FSCN3: variants seen among roughly 807,000 people sequenced by gnomAD.
FSCN3 encodes fascin actin-bundling protein 3.
In FSCN3, 43 loss-of-function variants were observed where a neutral mutation model predicts 53.5. That is an observed-to-expected ratio of 0.80 (90% CI 0.63 to 1.04). The LOEUF is 1.04. FSCN3 is among the 50% of genes least tolerant of loss of function. The pLI, the probability that FSCN3 is intolerant of heterozygous loss-of-function variation, is 0.00. For missense variants in FSCN3, 594 were observed against 646.5 expected, an observed-to-expected ratio of 0.92 and a Z score of 0.88; for synonymous variants, 235 against 246.6, an observed-to-expected ratio of 0.95 and a Z score of 0.44.
Position 127,593,934 on chromosome 7 carries a change from C to T in FSCN3, c.81C>T (p.Tyr27=), listed in dbSNP as rs745921063. ...GGCTCATCAGCTGGGCAGGAACCTACCTCACCTTTGAGGCATGCAAGAATA... is the reference window on the plus strand; with the variant it reads ...GGCTCATCAGCTGGGCAGGAACCTATCTCACCTTTGAGGCATGCAAGAATA... The part of the protein sequence containing the change: ...RVGLISWAGT[Y]LTFEACKNTV... The change falls in exon 1 of 7, where the codon TAC becomes TAT. Residue 27 remains tyrosine (Y), a synonymous_variant. Transcript: ENST00000265825. 6.2e-6 allele frequency: 10 copies of T among 1,609,960 alleles called. No homozygotes were observed. Among genetic ancestry groups the T allele is most frequent in the Non-Finnish European group, 8.5e-6 (10 of 1,178,196 alleles).
rs1217799072 is a variant in FSCN3 at position 127,595,612 on chromosome 7, C to A, written c.450C>A (p.Ser150Arg). ...TCCATGTCCACGTGATCCTCTACAG[C>A]CCCATCCACCGCTGCTATGCCCGGG... ...PALHVHVILYSPIHRCYARAD... is the reference protein window; with the variant it reads ...PALHVHVILYRPIHRCYARAD... The change falls in exon 2 of 7, where the codon AGC becomes AGA. Residue 150 changes from serine (S) to arginine (R), a missense_variant. Coordinates refer to ENST00000265825, the MANE Select transcript of FSCN3 (RefSeq NM_020369.3). 6.2e-7 allele frequency: 1 copy of A among 1,614,058 alleles called. No homozygotes were observed. Among genetic ancestry groups the A allele is most frequent in the Non-Finnish European group, 8.5e-7 (1 of 1,179,930 alleles).
rs147838592 is a variant in FSCN3, at chr7:127,599,397, T to G, written c.1137T>G (p.Phe379Leu). 101 of 1,613,566 alleles carry G rather than the reference T, an allele frequency of 6.3e-5. No homozygotes were observed. Among genetic ancestry groups the G allele is most frequent in the Non-Finnish European group, 8.1e-5 (95 of 1,179,688 alleles). The change falls in exon 5 of 7, where the codon TTT becomes TTG. Residue 379 changes from phenylalanine to leucine, a missense_variant. By Grantham distance (22) the Phe-to-Leu change is conservative. Transcript: ENST00000265825. ...NVILPGPNEE[F>L]GILFANRSFL... is the part of the protein sequence containing the mutation. ...TTCCTTCAGGCCCAAATGAGGAATTTGGGATTTTATTTGCCAATCGCTCCT... is the reference window on the plus strand; with the variant it reads ...TTCCTTCAGGCCCAAATGAGGAATTGGGGATTTTATTTGCCAATCGCTCCT...
At chr7:127,595,170 C>A in intron 1 of FSCN3, 137 bp from the exon 2 acceptor site, 1 of 686,244 alleles carries the variant, frequency 1.5e-6, no homozygotes, top group Non-Finnish European at 2.5e-6. Flanking sequence ...CAAGGAGATA[C>A]CAGGGCTGAT....
At position 127,593,991 on chromosome 7, in the gene FSCN3, G is replaced by A; in HGVS notation, c.138G>A (p.Arg46=). The A allele has an allele frequency of 6.2e-7, 1 of 1,612,864 alleles. No individual in the cohort carries two copies. The highest frequency in any genetic ancestry group is 1.3e-5 in the African/African-American group (1 of 75,046). The stretch of plus-strand genomic sequence containing the variant: ...CTGCAACTGCGAAGAGTTTGGGCAG[G>A]AGACAGGTGACAAAGCAAACCCATG... ...TVTATAKSLG[R]RQTWEILVSN... Residue 46 remains arginine, a synonymous_variant, in exon 1 of 7, where the codon AGG becomes AGA. Coordinates refer to ENST00000265825, the MANE Select transcript of FSCN3 (RefSeq NM_020369.3).
chr7:127,595,021 G>C lies in FSCN3; in HGVS notation c.145-286G>C. 2.0e-5 allele frequency: 11 copies of C among 549,878 alleles called. No homozygotes were observed. In the South Asian group the frequency reaches 2.2e-4, roughly 11 times the overall value. 34.1% of individuals were successfully genotyped at this position (549,878 alleles called of 1,614,324 possible). On this transcript the variant is annotated intron_variant, in intron 1 of 6. Coordinates refer to ENST00000265825, the MANE Select transcript of FSCN3 (RefSeq NM_020369.3). ...GTATTGAAGAGTGGGATTAAGAAAG[G>C]AGGGAGGGTTTACCTTCTGTTAGCT... is the stretch of plus-strand genomic sequence containing the variant.
At chr7:127,597,480 AT>A (rs11415174) in intron 3 of FSCN3, among the ~76,000 whole-genome samples, 34,373 of 142,498 alleles carry the variant, frequency 0.24, 4,396 homozygotes, top group East Asian at 0.64. Context: ...AAGGTTTAGA[AT>A]TTTTTTTTTT....
rs1794449195 is a variant in FSCN3, at chr7:127,600,006, G to A, written c.1292-188G>A. Among the ~76,000 whole-genome samples the A allele has an allele frequency of 2.6e-5, 4 of 152,080 alleles. 1 individual carries two copies. The highest frequency in any genetic ancestry group is 1.3e-4 in the Admixed American group (2 of 15,270). ...TTTTCACACTTCAAAGCCCCAGGGT[G>A]GGTTGGCAGAACAGAAAACAGTGGA... On this transcript the variant is annotated intron_variant, in intron 5 of 6. Transcript: ENST00000265825.
rs568377533 is a variant in FSCN3 at position 127,594,924 on chromosome 7, G to C, written c.145-383G>C. Reference sequence around the variant, plus strand: ...CTTTGGGGATGGAGGTATTGGCTAAGTGTGCTCTCTGCGGACAACAGTGAG... The same window carrying C: ...CTTTGGGGATGGAGGTATTGGCTAACTGTGCTCTCTGCGGACAACAGTGAG... On this transcript the variant is annotated intron_variant, in intron 1 of 6. Transcript: ENST00000265825. 7 of 476,846 alleles carry C rather than the reference G, an allele frequency of 1.5e-5. No individual in the cohort carries two copies. In the East Asian group the frequency reaches 4.7e-4, roughly 32 times the overall value. 29.5% of individuals were successfully genotyped at this position (476,846 alleles called of 1,614,324 possible).
intron 1 of FSCN3, chr7:127,594,685 T>G: frequency 2.1e-6 from 1 of 471,186 alleles, no homozygotes; most frequent in Non-Finnish European, 4.4e-6. Flanking sequence ...CCAGAAGCCC[T>G]AGCAGTGTCG....
At position 127,594,279 on chromosome 7, in the gene FSCN3, T is replaced by TGTGC. The variant is rs1554402190; in HGVS notation, c.144+283_144+284insTGCG. ...GTGTGTGTGTGTGTGTGTGTGTGTG[T>TGTGC]GCGCACTTGCCTGTATATGAAAGCA... On this transcript the variant is annotated intron_variant, in intron 1 of 6. Coordinates refer to ENST00000265825, the MANE Select transcript of FSCN3 (RefSeq NM_020369.3). Among the ~76,000 whole-genome samples, 65 of 66,542 alleles carry TGTGC rather than the reference T, an allele frequency of 9.8e-4. 2 individuals carry two copies. The highest frequency in any genetic ancestry group is 1.5e-3 in the Admixed American group (10 of 6,668). 43.7% of individuals were successfully genotyped at this position (66,542 alleles called of 152,430 possible).
chr7:127,600,764 G>GA (rs1374877945), intron 6 of FSCN3, among the ~76,000 whole-genome samples: 2 of 151,852 alleles, frequency 1.3e-5, no homozygotes, highest in African/African-American at 4.8e-5. Context: ...GTGTGTAGGT[G>GA]AAAAAAAAGA....
chr7:127,600,452 A>G, intron 6 of FSCN3, 53 bp downstream of exon 6: 1 of 1,066,458 alleles, frequency 9.4e-7, no homozygotes, highest in East Asian at 2.4e-5. Flanking sequence ...ATGGGGCAAG[A>G]GGAGAAGGGA....
chr7:127,599,617 C>T, intron 5 of FSCN3, 66 bp downstream of exon 5: 1 of 1,459,110 alleles, frequency 6.9e-7, no homozygotes, highest in Non-Finnish European at 9.5e-7. Flanking sequence ...CCAGCTCAGA[C>T]TTCAGGGCCT....
Position 127,595,488 on chromosome 7 carries a change from G to A in FSCN3, c.326G>A (p.Cys109Tyr), listed in dbSNP as rs1309273529. 1 of 1,614,174 alleles carries A rather than the reference G, an allele frequency of 6.2e-7. No homozygotes were observed. Among genetic ancestry groups the A allele is most frequent in the Admixed American group, 1.7e-5 (1 of 60,018 alleles). ...CGGAACAGCAAGTGGACCCTCCAGT[G>A]CCTAATCTCTGGTCGTTATTTGGAG... ...FHRNSKWTLQ[C>Y]LISGRYLESN... Residue 109 changes from cysteine to tyrosine, a missense_variant, in exon 2 of 7, where the codon TGC becomes TAC. Transcript: ENST00000265825.
chr7:127,594,193 T>TGA lies in FSCN3; in HGVS notation c.144+197_144+198insAG, dbSNP rs770863727. On this transcript the variant is annotated intron_variant, in intron 1 of 6. Transcript: ENST00000265825. Reference sequence around the variant, plus strand: ...GTGTGTGTGTGTGTGTGTGTGTGTGTGTGTACTTGCCTGTATATGAAAGTA... The same window carrying TGA: ...GTGTGTGTGTGTGTGTGTGTGTGTGTGAGTGTACTTGCCTGTATATGAAAGTA... Among the ~76,000 whole-genome samples, 155 of 147,984 alleles carry TGA rather than the reference T, an allele frequency of 1.0e-3. 2 individuals carry two copies. Among genetic ancestry groups the TGA allele is most frequent in the Admixed American group, 2.0e-3 (30 of 14,920 alleles).
At position 127,595,752 on chromosome 7, in the gene FSCN3, A is replaced by G; in HGVS notation, c.590A>G (p.His197Arg). 1 of 1,613,850 alleles carries G rather than the reference A, an allele frequency of 6.2e-7. No individual in the cohort carries two copies. The highest frequency in any genetic ancestry group is 1.3e-5 in the African/African-American group (1 of 75,030). Residue 197 changes from histidine (H) to arginine (R), a missense_variant, in exon 2 of 7, where the codon CAC (histidine) becomes CGC (arginine). By Grantham distance (29) the His-to-Arg change is conservative. Transcript: ENST00000265825. ...GCYHLETSTH[H>R]FLSHVDRLFS... ...TACCACCTGGAGACCTCTACACACC[A>G]CTTCTTGTCCCATGTAGACCGGCTG...
rs752540528 is a variant in FSCN3, at chr7:127,594,011, C to T, written c.144+14C>T. ...GGCAGGAGACAGGTGACAAAGCAAA[C>T]CCATGCTGGCACCAGTTTTCTGAGT... is the stretch of plus-strand genomic sequence containing the variant. On this transcript the variant is annotated intron_variant, in intron 1 of 6. Transcript: ENST00000265825. The T allele has an allele frequency of 6.2e-7, 1 of 1,612,124 alleles. No individual in the cohort carries two copies. The highest frequency in any genetic ancestry group is 1.7e-5 in the Admixed American group (1 of 59,738).
chr7:127,599,005 G>A (rs1240686958), intron 4 of FSCN3, among the ~76,000 whole-genome samples: 1 of 151,804 alleles, frequency 6.6e-6, no homozygotes, highest in Admixed American at 6.6e-5. Context: ...GAAGATTTGG[G>A]TCTGTACTTG....
Position 127,596,598 on chromosome 7 carries a change from T to G in FSCN3, c.960+152T>G, listed in dbSNP as rs189490740. The stretch of plus-strand genomic sequence containing the variant: ...ACATTCATTTTCACCCAATGGGGGC[T>G]CCTTTAAAAAAAAAAAACAAAAATC... On this transcript the variant is annotated intron_variant, in intron 3 of 6. Coordinates refer to ENST00000265825, the MANE Select transcript of FSCN3 (RefSeq NM_020369.3). 1.4e-4 allele frequency: 61 copies of G among 440,376 alleles called. 1 individual carries two copies. Among genetic ancestry groups the G allele is most frequent in the Non-Finnish European group, 1.9e-4 (47 of 246,784 alleles). 27.3% of individuals were successfully genotyped at this position (440,376 alleles called of 1,614,324 possible). A position where few individuals can be genotyped will look rare whatever the true frequency, so the allele number is the denominator to read the frequency against.
Sources: allele counts gnomAD v4.1 joint callset (sites outside exome capture counted in the v4.1 genomes callset), GRCh38; gene constraint gnomAD v4.1.1; transcripts MANE v1.5; gene names NCBI Gene and HGNC (gene_info 2026-07-23, HGNC 2026-07-21).